The following AGBL1 variants were observed in gnomAD, a reference collection of about 807,000 sequenced individuals.
AGBL1 encodes cytosolic carboxypeptidase 4.
AGBL1 carries 130 observed loss-of-function variants against 118.9 expected under a neutral mutation model. That is an observed-to-expected ratio of 1.09 (90% CI 0.95 to 1.26). The LOEUF is 1.26. AGBL1 is among the 50% of genes most tolerant of loss of function. The pLI, the probability that AGBL1 is intolerant of heterozygous loss-of-function variation, is 0.00. For synonymous variants in AGBL1, 555 were observed against 478.9 expected (o/e 1.16, Z -2.08); for missense variants, 1,584 against 1,298.1 (o/e 1.22, Z -3.38).
intron 18 of AGBL1, among the ~76,000 whole-genome samples, chr15:86,494,615 G>C (rs4553593): frequency 0.45 from 68,356 of 151,830 alleles, 16,217 homozygotes; most frequent in East Asian, 0.68. Flanking sequence ...TACCGATCAG[G>C]CTCATGACTT....
chr15:86,212,730 A>G (rs1006089878), intron 5 of AGBL1, among the ~76,000 whole-genome samples: 8 of 152,144 alleles, frequency 5.3e-5, no homozygotes, highest in African/African-American at 1.9e-4. Context: ...GCACACTGCA[A>G]CCTCAGCCTC....
At chr15:86,127,267 T>C (rs1008695314) in intron 1 of AGBL1, among the ~76,000 whole-genome samples, 2 of 152,246 alleles carry the variant, frequency 1.3e-5, no homozygotes, top group African/African-American at 2.4e-5. Context: ...CTTCTTGTTA[T>C]TGTTTGAGTT....
chr15:86,469,445 G>A lies in AGBL1; in HGVS notation c.2556-53365G>A, dbSNP rs542104963. Among the ~76,000 whole-genome samples the A allele has an allele frequency of 2.6e-5, 4 of 152,252 alleles. No homozygotes were observed. The East Asian group carries it at 5.8e-4, about 22-fold the overall frequency. On this transcript the variant is annotated intron_variant, in intron 18 of 22. Transcript: ENST00000614907. ...AAGGATGAGTACTATTTCATTGTAT[G>A]TATGTATGGGTCACATTTTCTTTAT...
intron 7 of AGBL1, among the ~76,000 whole-genome samples, chr15:86,248,193 T>C (rs931469445): frequency 2.0e-5 from 3 of 152,158 alleles, no homozygotes; most frequent in African/African-American, 7.2e-5. Flanking sequence ...GTTGCACACC[T>C]ATAGTCCCAG....
intron 22 of AGBL1, among the ~76,000 whole-genome samples, chr15:86,752,270 T>C (rs1024753330): frequency 1.3e-5 from 2 of 152,222 alleles, no homozygotes; most frequent in African/African-American, 4.8e-5. Context: ...TATATTCCAA[T>C]CTTTCTGATT....
rs151190895 is a variant in AGBL1, at chr15:86,325,827, G to A, written c.2374+30419G>A. On this transcript the variant is annotated intron_variant, in intron 17 of 22. Transcript: ENST00000614907. The stretch of plus-strand genomic sequence containing the variant: ...TCTCAGAGTGGTACAGTCTGTGCAC[G>A]TTGGGGGTGGTGGGAAGGGGCACAT... Among the ~76,000 whole-genome samples, 24 of 152,248 alleles carry A rather than the reference G, an allele frequency of 1.6e-4. No homozygotes were observed. In the East Asian group the frequency reaches 4.6e-3, roughly 29 times the overall value.
intron 22 of AGBL1, among the ~76,000 whole-genome samples, chr15:86,721,742 T>C (rs2086725379): frequency 6.6e-6 from 1 of 152,202 alleles, no homozygotes; most frequent in African/African-American, 2.4e-5. Flanking sequence ...GACATGATTG[T>C]ATATCTAGAA....
intron 21 of AGBL1, among the ~76,000 whole-genome samples, chr15:86,606,289 C>T (rs747995337): frequency 6.6e-6 from 1 of 152,042 alleles, no homozygotes; most frequent in South Asian, 2.1e-4. Context: ...AACATTCCTT[C>T]CACAATCTCC....
At chr15:86,983,064 GTTTTGT>G (rs2081247625) in intron 23 of AGBL1, among the ~76,000 whole-genome samples, 1 of 151,242 alleles carries the variant, frequency 6.6e-6, no homozygotes. Flanking sequence ...ACCTTTTTTT[GTTTTGT>G]TTTTGTTTTG....
intron 18 of AGBL1, among the ~76,000 whole-genome samples, chr15:86,483,625 G>C (rs943919329): frequency 6.6e-6 from 1 of 152,026 alleles, no homozygotes; most frequent in Non-Finnish European, 1.5e-5. Context: ...GCTCCAAGGA[G>C]GCAGGGGGAA....
At chr15:86,979,517 C>T (rs1292459589) in intron 23 of AGBL1, among the ~76,000 whole-genome samples, 2 of 151,244 alleles carry the variant, frequency 1.3e-5, no homozygotes, top group African/African-American at 4.9e-5. Flanking sequence ...GAGATGGTGT[C>T]TCCCTCTGTT....
intron 24 of AGBL1, chr15:86,988,154 A>C (rs1479378109): frequency 1.1e-5 from 17 of 1,571,942 alleles, no homozygotes; most frequent in Non-Finnish European, 1.5e-5. Flanking sequence ...AATACCCTGC[A>C]TGTGACTACA....
rs1280957995 is a variant in AGBL1, at chr15:86,974,317, A to C, written c.3222-13670A>C. On this transcript the variant is annotated intron_variant, in intron 23 of 24. Transcript: ENST00000441037. ...TAATATATTAAATATAAACATTTTA[A>C]TATATTAAATATAAACATTTTAATA... Among the ~76,000 whole-genome samples the C allele has an allele frequency of 6.0e-5, 5 of 83,222 alleles. No homozygotes were observed. In the South Asian group the frequency reaches 2.4e-3, roughly 40 times the overall value. The allele number at this position is 83,222 out of a possible 152,430, so 54.6% of individuals were successfully genotyped here.
intron 21 of AGBL1, among the ~76,000 whole-genome samples, chr15:86,612,587 C>T (rs1232916603): frequency 2.0e-5 from 3 of 152,122 alleles, no homozygotes; most frequent in African/African-American, 7.2e-5. Flanking sequence ...CAACCTGACT[C>T]TCGTACAGCA....
intron 22 of AGBL1, among the ~76,000 whole-genome samples, chr15:86,844,507 T>C (rs2079291497): frequency 6.6e-6 from 1 of 152,182 alleles, no homozygotes; most frequent in African/African-American, 2.4e-5. Flanking sequence ...ATTCATGTAT[T>C]TCTTTGGTGA....
At chr15:86,665,064 A>G (rs982443915) in intron 21 of AGBL1, among the ~76,000 whole-genome samples, 4 of 152,138 alleles carry the variant, frequency 2.6e-5, no homozygotes, top group African/African-American at 4.8e-5. Context: ...TTAAAGTAAA[A>G]TTGGGGTCAT....
intron 6 of AGBL1, among the ~76,000 whole-genome samples, chr15:86,247,255 G>A (rs2078736250): frequency 6.6e-6 from 1 of 152,158 alleles, no homozygotes; most frequent in South Asian, 2.1e-4. Flanking sequence ...GACTTGTCAT[G>A]TCTTTTTATT....
rs1211512646 is a variant in AGBL1, at chr15:86,974,387, T to TATATTAAATATAAAC, written c.3222-13579_3222-13565dup. On this transcript the variant is annotated intron_variant, in intron 23 of 24. Coordinates refer to the AGBL1 transcript ENST00000441037. ...AATATATTAAATATAAACATTTTAA[T>TATATTAAATATAAAC]ATATTAAATATAAACATATTAAATA... Among the ~76,000 whole-genome samples the TATATTAAATATAAAC allele has an allele frequency of 1.1e-3, 109 of 101,918 alleles. 5 individuals are homozygous for TATATTAAATATAAAC. Among genetic ancestry groups the TATATTAAATATAAAC allele is most frequent in the East Asian group, 7.0e-3 (21 of 2,982 alleles). The allele number at this position is 101,918 out of a possible 152,430, so 66.9% of individuals were successfully genotyped here. A position where few individuals can be genotyped will look rare whatever the true frequency, so the allele number is the denominator to read the frequency against.
intron 22 of AGBL1, among the ~76,000 whole-genome samples, chr15:86,797,125 T>G (rs1490240513): frequency 6.6e-6 from 1 of 152,348 alleles, no homozygotes; most frequent in South Asian, 2.1e-4. Flanking sequence ...CTCTGAAGAT[T>G]AAATTGCATG....
Sources: gnomAD v4.1 joint callset for allele counts (sites outside exome capture counted in the v4.1 genomes callset) on GRCh38, gnomAD v4.1.1 for gene constraint, MANE v1.5 for transcripts, NCBI Gene and HGNC (gene_info 2026-07-23, HGNC 2026-07-21) for gene names.